Variants in SLC22A3 observed in about 807,000 individuals in gnomAD.
SLC22A3 encodes the protein EMT organic cation transporter 3.
SLC22A3 carries 51 observed loss-of-function variants against 59.1 expected under a neutral mutation model. That is an observed-to-expected ratio of 0.86 (90% CI 0.69 to 1.09). The LOEUF (loss-of-function observed/expected upper bound fraction) is 1.09. Ranked by LOEUF, SLC22A3 falls within the 50% of genes least tolerant of loss-of-function variation. The pLI is 0.00. For synonymous variants in SLC22A3, 325 were observed against 292.0 expected, an observed-to-expected ratio of 1.11 and a Z score of -1.15; for missense variants, 711 against 726.3, an observed-to-expected ratio of 0.98 and a Z score of 0.24.
chr6:160,426,492 TG>T, intron 5 of SLC22A3: 1 of 328,808 alleles, frequency 3.0e-6, no homozygotes, highest in South Asian at 1.2e-4. Flanking sequence ...CCCACTCTAA[TG>T]TGTCTGATTT....
chr6:160,424,633 G>A (rs1238842334), intron 5 of SLC22A3, among the ~76,000 whole-genome samples: 2 of 152,122 alleles, frequency 1.3e-5, no homozygotes, highest in Non-Finnish European at 2.9e-5. Context: ...GACAAATTCT[G>A]CATGTTAAGT....
intron 5 of SLC22A3, among the ~76,000 whole-genome samples, chr6:160,425,559 T>TA (rs1182390617): frequency 1.3e-5 from 2 of 152,176 alleles, no homozygotes; most frequent in African/African-American, 4.8e-5. Flanking sequence ...TCCCTCCCAA[T>TA]AATAGGTCTT....
At chr6:160,364,503 G>A (rs909482030) in intron 1 of SLC22A3, among the ~76,000 whole-genome samples, 14 of 152,332 alleles carry the variant, frequency 9.2e-5, no homozygotes, top group Non-Finnish European at 1.3e-4. Flanking sequence ...AGTCAAAGAT[G>A]CAGAAATTAA....
intron 7 of SLC22A3, among the ~76,000 whole-genome samples, chr6:160,438,434 G>C (rs1788427495): frequency 1.3e-5 from 2 of 152,132 alleles, no homozygotes; most frequent in South Asian, 4.2e-4. Context: ...ATCCTCTGAG[G>C]ACCAGCCAAG....
At chr6:160,348,900 C>G in intron 1 of SLC22A3, 52 bp downstream of exon 1, 1 of 1,536,538 alleles carries the variant, frequency 6.5e-7, no homozygotes, top group Non-Finnish European at 8.7e-7. Flanking sequence ...GATGCTGGCT[C>G]CCAGGCGGAC....
intron 7 of SLC22A3, among the ~76,000 whole-genome samples, chr6:160,440,981 G>A (rs529808136): frequency 6.6e-6 from 1 of 151,942 alleles, no homozygotes; most frequent in East Asian, 1.9e-4. Context: ...TTTTAATTTG[G>A]TCTCTGGCTT....
chr6:160,430,882 A>C (rs1490409124), intron 5 of SLC22A3, among the ~76,000 whole-genome samples: 2 of 152,212 alleles, frequency 1.3e-5, no homozygotes, highest in African/African-American at 4.8e-5. Flanking sequence ...AATTCTAGAA[A>C]AAGCAAAACT....
At position 160,415,953 on chromosome 6, in the gene SLC22A3, G is replaced by A. The variant is rs1313211543; in HGVS notation, c.975+5107G>A. Among the ~76,000 whole-genome samples the A allele has an allele frequency of 1.3e-5, 2 of 152,192 alleles. No homozygotes were observed. Among genetic ancestry groups the A allele is most frequent in the Non-Finnish European group, 2.9e-5 (2 of 68,022 alleles). On this transcript the variant is annotated intron_variant, in intron 5 of 10. Coordinates refer to ENST00000275300, the MANE Select transcript of SLC22A3 (RefSeq NM_021977.4). This position sits in a 1 kb window ranked among gnomAD's most constrained non-coding sequence, Gnocchi z 4.1. ...GATTACACCAATCTCCAGAGCTTTA[G>A]TGAGAGAAGGGAAAATATGAGAGGA...
intron 1 of SLC22A3, among the ~76,000 whole-genome samples, chr6:160,380,859 C>A (rs563891217): frequency 1.1e-4 from 16 of 152,136 alleles, no homozygotes; most frequent in African/African-American, 3.9e-4. Flanking sequence ...GGCATTGGGA[C>A]TTTTCTAGAA....
intron 1 of SLC22A3, chr6:160,349,161 C>A: frequency 2.6e-6 from 2 of 763,258 alleles, no homozygotes; most frequent in Non-Finnish European, 3.2e-6. Flanking sequence ...GTCAAAGACC[C>A]AGCACCGCGT....
chr6:160,442,442 G>T (rs1181254422), intron 7 of SLC22A3, among the ~76,000 whole-genome samples: 2 of 152,220 alleles, frequency 1.3e-5, no homozygotes, highest in Admixed American at 6.5e-5. Flanking sequence ...AAGCCAGTGT[G>T]CTTTGGCTCT....
chr6:160,365,946 C>T (rs1177501799), intron 1 of SLC22A3, among the ~76,000 whole-genome samples: 1 of 152,088 alleles, frequency 6.6e-6, no homozygotes, highest in Admixed American at 6.6e-5. Flanking sequence ...TCCATGAGAG[C>T]TCCCTCACTA....
In SLC22A3 at chr6:160,451,315, G is replaced by T; in HGVS notation, c.*259G>T. 1 of 452,146 alleles carries T rather than the reference G, an allele frequency of 2.2e-6. No individual in the cohort carries two copies. The highest frequency in any genetic ancestry group is 4.0e-6 in the Non-Finnish European group (1 of 247,806). 28.0% of individuals were successfully genotyped at this position (452,146 alleles called of 1,614,324 possible). On this transcript the variant is annotated 3_prime_UTR_variant, in exon 11 of 11. Transcript: ENST00000275300. ...GCTGTCAGGTGCACAGCCCTTCCTG[G>T]GTTTTTTTCTTGTGTTCCCTGTGGT...
chr6:160,372,330 T>A (rs188194509), intron 1 of SLC22A3, among the ~76,000 whole-genome samples: 1 of 152,340 alleles, frequency 6.6e-6, no homozygotes, highest in Non-Finnish European at 1.5e-5. Context: ...TGGCCCCCAC[T>A]CTCTTCTGGA....
At chr6:160,362,833 C>G (rs890995343) in intron 1 of SLC22A3, among the ~76,000 whole-genome samples, 2 of 152,194 alleles carry the variant, frequency 1.3e-5, no homozygotes, top group African/African-American at 4.8e-5. Flanking sequence ...GCCCCGAGCT[C>G]GAGGTGGTGC....
intron 5 of SLC22A3, among the ~76,000 whole-genome samples, chr6:160,436,436 A>T (rs1001099774): frequency 2.6e-5 from 4 of 152,224 alleles, no homozygotes; most frequent in African/African-American, 9.6e-5. Context: ...TTTAGTTTAT[A>T]AAGAAACCCT....
chr6:160,424,591 T>C (rs1787879882), intron 5 of SLC22A3, among the ~76,000 whole-genome samples: 1 of 152,190 alleles, frequency 6.6e-6, no homozygotes, highest in Non-Finnish European at 1.5e-5. Context: ...ACACTTGAGT[T>C]CATTATATTT....
chr6:160,430,093 A>G (rs907168635), intron 5 of SLC22A3, among the ~76,000 whole-genome samples: 9 of 152,102 alleles, frequency 5.9e-5, no homozygotes, highest in African/African-American at 1.9e-4. Flanking sequence ...ATATATATAC[A>G]CACTTGTATG....
chr6:160,390,495 T>C (rs1309294362), intron 1 of SLC22A3, among the ~76,000 whole-genome samples: 3 of 152,068 alleles, frequency 2.0e-5, no homozygotes, highest in Non-Finnish European at 4.4e-5. Flanking sequence ...GACAGTCCCA[T>C]CATGGCTAGG....
Sources: allele counts gnomAD v4.1 joint callset (sites outside exome capture counted in the v4.1 genomes callset), GRCh38; gene constraint gnomAD v4.1.1; non-coding constraint Gnocchi (gnomAD v3.1); transcripts MANE v1.5; gene names NCBI Gene and HGNC (gene_info 2026-07-23, HGNC 2026-07-21).